Variants in PDE4D observed in about 807,000 individuals in gnomAD.
PDE4D encodes the protein phosphodiesterase 4D.
PDE4D carries 24 observed loss-of-function variants against 87.4 expected under a neutral mutation model. The ratio of observed to expected loss-of-function variants is 0.27; its 90% CI spans 0.20 to 0.39. The LOEUF (loss-of-function observed/expected upper bound fraction) is 0.39, where lower values mean the gene tolerates loss of function less well. Ranked by LOEUF, PDE4D falls within the 10% of genes least tolerant of loss-of-function variation. The pLI is 1.00. For missense variants in PDE4D, 714 were observed against 1,041.0 expected, an observed-to-expected ratio of 0.69 and a Z score of 4.32; for synonymous variants, 384 against 383.2, an observed-to-expected ratio of 1.00 and a Z score of -0.02.
intron 1 of PDE4D, among the ~76,000 whole-genome samples, chr5:59,692,315 G>A (rs1324571419): frequency 2.0e-5 from 3 of 152,078 alleles, no homozygotes; most frequent in Non-Finnish European, 2.9e-5. Flanking sequence ...CATGTAATTT[G>A]TGCTGCTTGC....
intron 1 of PDE4D, among the ~76,000 whole-genome samples, chr5:59,696,149 C>G: frequency 6.6e-6 from 1 of 152,112 alleles, no homozygotes; most frequent in East Asian, 1.9e-4. Context: ...TTATGCATTC[C>G]ATCCTCCCAA....
In PDE4D at chr5:59,741,475, T is replaced by C. The variant is rs537065326; in HGVS notation, c.455+151693A>G. On this transcript the variant is annotated intron_variant, in intron 1 of 14. Coordinates refer to ENST00000340635, the MANE Select transcript of PDE4D (RefSeq NM_001104631.2). ...ACAAGTGCTCTCAATATGACCATAA[T>C]TGTACTATTGACATTTTGGTGTTTC... is the stretch of plus-strand genomic sequence containing the variant. Among the ~76,000 whole-genome samples the C allele has an allele frequency of 2.6e-5, 4 of 152,274 alleles. No homozygotes were observed. In the South Asian group the frequency reaches 8.3e-4, roughly 32 times the overall value.
At chr5:59,694,040 C>T (rs1476212001) in intron 1 of PDE4D, among the ~76,000 whole-genome samples, 1 of 152,134 alleles carries the variant, frequency 6.6e-6, no homozygotes, top group Admixed American at 6.6e-5. Context: ...CTTCAAAGAA[C>T]AGTCATATTT....
intron 5 of PDE4D, among the ~76,000 whole-genome samples, chr5:59,116,300 GT>G (rs1419538781): frequency 6.6e-6 from 1 of 152,054 alleles, no homozygotes; most frequent in Non-Finnish European, 1.5e-5. Context: ...CCCTTGGATT[GT>G]TTTCTATGTA....
chr5:59,722,956 AT>A (rs1036634361), intron 1 of PDE4D, among the ~76,000 whole-genome samples: 2 of 152,016 alleles, frequency 1.3e-5, no homozygotes, highest in South Asian at 2.1e-4. Flanking sequence ...ATGCTTTCTG[AT>A]TTTTTTACAA....
At chr5:59,930,567 G>T (rs1755804576) in intron 3 of PDE4D, among the ~76,000 whole-genome samples, 1 of 152,162 alleles carries the variant, frequency 6.6e-6, no homozygotes, top group Non-Finnish European at 1.5e-5. Context: ...AGCTGTGAGA[G>T]AATAAATTTC....
At chr5:60,249,202 A>T (rs1748149547) in intron 1 of PDE4D, among the ~76,000 whole-genome samples, 1 of 152,056 alleles carries the variant, frequency 6.6e-6, no homozygotes, top group Non-Finnish European at 1.5e-5. Flanking sequence ...CTTTAGGGAG[A>T]AACTGACCAC....
At chr5:59,408,861 T>C (rs1792171042) in intron 1 of PDE4D, among the ~76,000 whole-genome samples, 1 of 152,016 alleles carries the variant, frequency 6.6e-6, no homozygotes, top group African/African-American at 2.4e-5. Flanking sequence ...AGAATGGAAA[T>C]GTTGGCCAGG....
At chr5:59,438,585 T>C (rs1267147771) in intron 1 of PDE4D, among the ~76,000 whole-genome samples, 2 of 152,218 alleles carry the variant, frequency 1.3e-5, no homozygotes, top group Non-Finnish European at 2.9e-5. Context: ...GGAATGATGA[T>C]TAAATAGTGC....
chr5:59,551,690 A>G (rs1444171276), intron 1 of PDE4D, among the ~76,000 whole-genome samples: 1 of 152,032 alleles, frequency 6.6e-6, no homozygotes, highest in African/African-American at 2.4e-5. Context: ...CTTTATTTCA[A>G]CTTTTTCTTG....
At chr5:59,778,293 C>T (rs1288362694) in intron 1 of PDE4D, among the ~76,000 whole-genome samples, 1 of 152,184 alleles carries the variant, frequency 6.6e-6, no homozygotes, top group African/African-American at 2.4e-5. Context: ...CATCCGCCAA[C>T]TCAATACCTA....
chr5:59,689,656 G>A (rs1460604946), intron 1 of PDE4D, among the ~76,000 whole-genome samples: 1 of 152,086 alleles, frequency 6.6e-6, no homozygotes, highest in Non-Finnish European at 1.5e-5. Context: ...TTTGAAACCT[G>A]GCACAAGACA....
chr5:59,186,957 T>C (rs1743058677), intron 3 of PDE4D, among the ~76,000 whole-genome samples: 1 of 152,204 alleles, frequency 6.6e-6, no homozygotes, highest in Non-Finnish European at 1.5e-5. Flanking sequence ...TTAATTTATG[T>C]TTTAAGAAGT....
chr5:60,186,955 T>G (rs943320703), intron 1 of PDE4D, among the ~76,000 whole-genome samples: 2 of 152,064 alleles, frequency 1.3e-5, no homozygotes, highest in Non-Finnish European at 2.9e-5. Flanking sequence ...TCAAGTCTTC[T>G]CAAAATAAAA....
chr5:59,335,932 A>G (rs1011557138), intron 1 of PDE4D, among the ~76,000 whole-genome samples: 5 of 152,238 alleles, frequency 3.3e-5, no homozygotes, highest in African/African-American at 1.2e-4. Context: ...AATGATCTAG[A>G]CTAGAGGTCT....
intron 5 of PDE4D, among the ~76,000 whole-genome samples, chr5:59,133,077 TTC>T (rs1418331237): frequency 2.0e-5 from 3 of 152,200 alleles, no homozygotes; most frequent in Non-Finnish European, 2.9e-5. Context: ...CTCAATTTTT[TTC>T]TGTCTGTAAA....
chr5:59,012,225 T>C (rs1752958334), intron 6 of PDE4D, among the ~76,000 whole-genome samples: 1 of 152,010 alleles, frequency 6.6e-6, no homozygotes. Flanking sequence ...CCATCAAGGC[T>C]AGGAAGAAAC....
intron 1 of PDE4D, among the ~76,000 whole-genome samples, chr5:60,255,037 T>A (rs897763705): frequency 1.3e-5 from 2 of 151,956 alleles, no homozygotes; most frequent in African/African-American, 4.8e-5. Context: ...TGCCTCAGTT[T>A]ACACTTTGCT....
intron 1 of PDE4D, among the ~76,000 whole-genome samples, chr5:59,844,428 G>A (rs1372849981): frequency 3.3e-5 from 5 of 152,018 alleles, no homozygotes; most frequent in Non-Finnish European, 5.9e-5. Flanking sequence ...TTTACGGTAT[G>A]CAGTTTTCCA....
Sources: allele counts gnomAD v4.1 joint callset (sites outside exome capture counted in the v4.1 genomes callset), GRCh38; gene constraint gnomAD v4.1.1; transcripts MANE v1.5; gene names NCBI Gene and HGNC (gene_info 2026-07-23, HGNC 2026-07-21).